MAST4: variants seen among roughly 807,000 people sequenced by gnomAD.
MAST4 encodes the protein microtubule-associated serine/threonine-protein kinase 4.
A neutral mutation model predicts 162.7 loss-of-function variants in MAST4; 89 were observed. The ratio of observed to expected loss-of-function variants is 0.55; its 90% confidence interval spans 0.46 to 0.65. The LOEUF (loss-of-function observed/expected upper bound fraction) is 0.65, where lower values mean the gene tolerates loss of function less well. MAST4 is among the 30% of genes least tolerant of loss of function. The pLI is 0.00. For missense variants in MAST4, 3,153 were observed against 3,374.0 expected (o/e 0.93, Z 1.62); for synonymous variants, 1,479 against 1,361.1 (o/e 1.09, Z -1.91).
chr5:66,624,961 A>G (rs780655506), intron 1 of MAST4, among the ~76,000 whole-genome samples: 6 of 152,260 alleles, frequency 3.9e-5, no homozygotes, highest in Admixed American at 6.5e-5. Flanking sequence ...TTTTGGATAT[A>G]GCAACAAAAG....
chr5:66,750,322 G>A (rs868042809), intron 1 of MAST4, among the ~76,000 whole-genome samples: 38 of 152,332 alleles, frequency 2.5e-4, no homozygotes, highest in African/African-American at 7.9e-4. Flanking sequence ...AACAGCTCAG[G>A]TCTACAGCTC....
At chr5:66,848,355 A>C (rs1420716883) in intron 3 of MAST4, among the ~76,000 whole-genome samples, 2 of 152,180 alleles carry the variant, frequency 1.3e-5, no homozygotes, top group Non-Finnish European at 2.9e-5. Context: ...TATTTCAGTA[A>C]CATTTGTCAT....
chr5:66,792,048 G>A (rs1393722547), intron 3 of MAST4: 2 of 154,228 alleles, frequency 1.3e-5, no homozygotes, highest in African/African-American at 2.4e-5. Context: ...GATCTGTTTC[G>A]TGTTTCTGCC....
chr5:66,647,477 G>A (rs922470961), intron 1 of MAST4, among the ~76,000 whole-genome samples: 1 of 152,024 alleles, frequency 6.6e-6, no homozygotes, highest in African/African-American at 2.4e-5. Flanking sequence ...TATAAAGGAG[G>A]TTCAAAGTTA....
chr5:66,917,161 G>T, intron 4 of MAST4: 1 of 547,652 alleles, frequency 1.8e-6, no homozygotes, highest in South Asian at 3.0e-5. Context: ...TATTACCCCT[G>T]GTCATTACTT....
chr5:66,761,195 T>C (rs1473255500), intron 2 of MAST4, among the ~76,000 whole-genome samples: 1 of 152,240 alleles, frequency 6.6e-6, no homozygotes, highest in African/African-American at 2.4e-5. Context: ...CAAGTGCTTA[T>C]TGGACAATTA....
intron 10 of MAST4, among the ~76,000 whole-genome samples, chr5:67,108,232 C>CA (rs1765810727): frequency 6.6e-6 from 1 of 152,068 alleles, no homozygotes; most frequent in African/African-American, 2.4e-5. Flanking sequence ...AGAGACAATC[C>CA]AAAATGTGTT....
intron 1 of MAST4, among the ~76,000 whole-genome samples, chr5:66,665,688 C>T (rs1747209956): frequency 6.6e-6 from 1 of 152,162 alleles, no homozygotes; most frequent in East Asian, 1.9e-4. Context: ...ACTTGGGAGA[C>T]TGATAGCTGA....
intron 3 of MAST4, among the ~76,000 whole-genome samples, chr5:66,861,105 CCTT>C (rs1760082069): frequency 6.6e-6 from 1 of 152,200 alleles, no homozygotes; most frequent in African/African-American, 2.4e-5. Context: ...CCTATTACAT[CCTT>C]CTGCTACATG....
intron 1 of MAST4, among the ~76,000 whole-genome samples, chr5:66,597,714 G>A (rs1343914751): frequency 6.6e-6 from 1 of 152,198 alleles, no homozygotes; most frequent in South Asian, 2.1e-4. Flanking sequence ...GCGGAGCGGG[G>A]TGGGGGATCT....
intron 4 of MAST4, among the ~76,000 whole-genome samples, chr5:66,977,125 A>C (rs2150223399): frequency 6.6e-6 from 1 of 152,042 alleles, no homozygotes; most frequent in Non-Finnish European, 1.5e-5. Flanking sequence ...TTTGAGACAG[A>C]GTTTTGTTCT....
chr5:66,637,584 C>G (rs1294523681), intron 1 of MAST4, among the ~76,000 whole-genome samples: 7 of 152,072 alleles, frequency 4.6e-5, no homozygotes, highest in African/African-American at 1.7e-4. Flanking sequence ...CCCTTCCTAT[C>G]AAAGTTAGAA....
intron 2 of MAST4, among the ~76,000 whole-genome samples, chr5:66,765,047 G>T (rs1337507147): frequency 3.3e-5 from 5 of 152,150 alleles, no homozygotes; most frequent in Admixed American, 2.0e-4. Flanking sequence ...TGATCATTGT[G>T]TTGCAGTTGC....
chr5:66,944,485 A>G (rs548410118), intron 4 of MAST4, among the ~76,000 whole-genome samples: 29 of 152,106 alleles, frequency 1.9e-4, no homozygotes, highest in Non-Finnish European at 3.8e-4. Context: ...TCTAAATAAG[A>G]CTTTCTTTGC....
chr5:66,867,618 A>C (rs1475194609), intron 3 of MAST4, among the ~76,000 whole-genome samples: 1 of 152,226 alleles, frequency 6.6e-6, no homozygotes, highest in Non-Finnish European at 1.5e-5. Flanking sequence ...TATTTACATA[A>C]CTGAGAGTTG....
intron 3 of MAST4, among the ~76,000 whole-genome samples, chr5:66,820,651 G>T (rs142088348): frequency 6.6e-6 from 1 of 152,246 alleles, no homozygotes; most frequent in South Asian, 2.1e-4. Flanking sequence ...TGTTGGATTC[G>T]TGTGTTTGCA....
At chr5:66,957,561 G>C (rs1285249045) in intron 4 of MAST4, among the ~76,000 whole-genome samples, 1 of 152,086 alleles carries the variant, frequency 6.6e-6, no homozygotes, top group Non-Finnish European at 1.5e-5. Context: ...TTTCAAGTAT[G>C]GATTTGTTAC....
intron 4 of MAST4, among the ~76,000 whole-genome samples, chr5:66,919,099 A>AACACACACAC (rs56340246): frequency 0.032 from 4,605 of 142,234 alleles, 116 homozygotes; most frequent in African/African-American, 0.074. Context: ...CGAGACTCTC[A>AACACACACAC]ACACACACAC....
chr5:67,133,585 T>C lies in MAST4; in HGVS notation c.2165T>C (p.Met722Thr), dbSNP rs768361312. 6.2e-7 allele frequency: 1 copy of C among 1,613,414 alleles called. No individual in the cohort carries two copies. Among genetic ancestry groups the C allele is most frequent in the Non-Finnish European group, 8.5e-7 (1 of 1,179,548 alleles). Residue 722 changes from methionine (M) to threonine (T), a missense_variant, in exon 17 of 29, where the codon ATG becomes ACG. By Grantham distance (81) the Met-to-Thr change is moderately conservative. Around this residue, in one of 7 missense-constraint regions of MAST4, gnomAD observed 131 missense variants for 253.8 expected, o/e 0.52. Transcript: ENST00000403625. ...FGLSKVGLMS[M>T]TTNLYEGHIE... ...TTATCTAAGGTGGGACTAATGAGCA[T>C]GACTACCAACCTTTACGAGGGTCAT...
Sources: gnomAD v4.1 joint callset for allele counts (sites outside exome capture counted in the v4.1 genomes callset) on GRCh38, gnomAD v4.1.1 for gene constraint, gnomAD v4.1.1 regional missense constraint, MANE v1.5 for transcripts, NCBI Gene and HGNC (gene_info 2026-07-23, HGNC 2026-07-21) for gene names.